The following APLF variants were observed in gnomAD, a reference collection of about 807,000 sequenced individuals.
APLF encodes the protein aprataxin and PNK-like factor.
A neutral mutation model predicts 55.6 loss-of-function variants in APLF; 61 were observed. That is an observed-to-expected ratio of 1.10 (90% CI 0.89 to 1.36). The LOEUF is 1.36. Among genes scored for constraint, APLF ranks in the 40% most tolerant of loss-of-function variants. The pLI is 0.00. For missense variants in APLF, 611 were observed against 602.5 expected, an observed-to-expected ratio of 1.01 and a Z score of -0.15; for synonymous variants, 207 against 214.8, an observed-to-expected ratio of 0.96 and a Z score of 0.32.
intron 6 of APLF, among the ~76,000 whole-genome samples, chr2:68,533,743 T>G (rs924870906): frequency 2.6e-5 from 4 of 152,190 alleles, no homozygotes; most frequent in African/African-American, 9.6e-5. Context: ...CATCTTCACC[T>G]GACATCTGGG....
intron 8 of APLF, among the ~76,000 whole-genome samples, chr2:68,566,134 G>A (rs1671305403): frequency 6.6e-6 from 1 of 152,018 alleles, no homozygotes; most frequent in Non-Finnish European, 1.5e-5. Flanking sequence ...AAAGTTGAAT[G>A]GGAGGATTTA....
intron 8 of APLF, among the ~76,000 whole-genome samples, chr2:68,557,943 C>T (rs920558115): frequency 2.0e-5 from 3 of 151,644 alleles, no homozygotes; most frequent in African/African-American, 7.3e-5. Context: ...GTTGATAGCA[C>T]CTTAATCCAT....
chr2:68,492,338 C>T lies in APLF; in HGVS notation c.168+2077C>T, dbSNP rs191018504. 2.6e-3 allele frequency among the ~76,000 whole-genome samples: 400 copies of T among 152,094 alleles called. 1 individual carries two copies. The highest frequency in any genetic ancestry group is 8.7e-3 in the Admixed American group (133 of 15,292). ...CTAAAAATACAAAAAATTAGCCGGG[C>T]ACGGTGGTGGGCGCCTGTAGTCCCA... On this transcript the variant is annotated intron_variant, in intron 2 of 9. Coordinates refer to ENST00000303795, the MANE Select transcript of APLF (RefSeq NM_173545.3).
At chr2:68,511,869 C>T (rs72901908) in intron 3 of APLF, among the ~76,000 whole-genome samples, 18,094 of 151,518 alleles carry the variant, frequency 0.12, 3,232 homozygotes, top group African/African-American at 0.39. Context: ...GTAATTTACT[C>T]TAAGTAAATT....
chr2:68,487,248 C>T (rs1676212934), intron 1 of APLF, among the ~76,000 whole-genome samples: 1 of 152,072 alleles, frequency 6.6e-6, no homozygotes, highest in African/African-American at 2.4e-5. Context: ...GCCTTATTTC[C>T]AGTTCTTTAC....
intron 8 of APLF, among the ~76,000 whole-genome samples, chr2:68,549,839 T>C (rs1573251073): frequency 6.6e-6 from 1 of 152,276 alleles, no homozygotes; most frequent in Non-Finnish European, 1.5e-5. Flanking sequence ...TTGTCCTCAG[T>C]GAAAAAGCCA....
intron 9 of APLF, among the ~76,000 whole-genome samples, chr2:68,576,440 A>C (rs924882855): frequency 2.6e-5 from 4 of 152,174 alleles, no homozygotes; most frequent in Non-Finnish European, 4.4e-5. Context: ...GCTTCCTACT[A>C]TAATGATAAT....
At chr2:68,575,205 G>C (rs1671589020) in intron 9 of APLF, among the ~76,000 whole-genome samples, 1 of 152,180 alleles carries the variant, frequency 6.6e-6, no homozygotes, top group Admixed American at 6.6e-5. Context: ...GCCAAAGCTT[G>C]GAGGAGGGAG....
chr2:68,549,617 C>G (rs1670801260), intron 8 of APLF, among the ~76,000 whole-genome samples: 2 of 152,088 alleles, frequency 1.3e-5, no homozygotes, highest in South Asian at 2.1e-4. Context: ...TGTGTATTCT[C>G]TAGTTGCTGG....
intron 2 of APLF, among the ~76,000 whole-genome samples, chr2:68,497,564 C>T (rs945940407): frequency 2.6e-5 from 4 of 151,900 alleles, no homozygotes; most frequent in Non-Finnish European, 5.9e-5. Flanking sequence ...GGCTACAGAA[C>T]TGTGGGTCAA....
intron 6 of APLF, among the ~76,000 whole-genome samples, chr2:68,531,065 G>T (rs542492609): frequency 6.6e-6 from 1 of 152,184 alleles, no homozygotes; most frequent in Non-Finnish European, 1.5e-5. Context: ...AGAGCCTATT[G>T]TAGGATCACT....
intron 8 of APLF, among the ~76,000 whole-genome samples, chr2:68,554,971 T>C (rs1214281735): frequency 6.6e-6 from 1 of 151,968 alleles, no homozygotes. Context: ...CATAGACCAA[T>C]GGAACAGAAT....
Position 68,538,353 on chromosome 2 carries a change from G to C in APLF, c.1160+126G>C, listed in dbSNP as rs925734730. 23 of 771,746 alleles carry C rather than the reference G, an allele frequency of 3.0e-5. No individual in the cohort carries two copies. In the African/African-American group the frequency reaches 3.4e-4, roughly 11 times the overall value. 47.8% of individuals were successfully genotyped at this position (771,746 alleles called of 1,614,324 possible). ...GCCTAAAGGTTAGGGGCTTTATCGT[G>C]TTTCTACTATTTGTACTTCCTCAGT... is the stretch of plus-strand genomic sequence containing the variant. On this transcript the variant is annotated intron_variant, in intron 7 of 9. Transcript: ENST00000303795.
chr2:68,548,254 C>T (rs1274061949), intron 8 of APLF, among the ~76,000 whole-genome samples: 2 of 151,762 alleles, frequency 1.3e-5, no homozygotes, highest in Non-Finnish European at 3.0e-5. Flanking sequence ...TATTTGACTA[C>T]ATTAAAAGTA....
At chr2:68,563,233 C>T (rs1330454683) in intron 8 of APLF, 2 of 985,102 alleles carry the variant, frequency 2.0e-6, no homozygotes, top group East Asian at 1.1e-4. Flanking sequence ...ACAACTTTCC[C>T]CTTCTAAGGC....
At chr2:68,472,187 A>C (rs918711231) in intron 1 of APLF, among the ~76,000 whole-genome samples, 2 of 152,192 alleles carry the variant, frequency 1.3e-5, no homozygotes, top group Non-Finnish European at 2.9e-5. Context: ...GCAGGTTGTA[A>C]AATGTTTCTT....
chr2:68,577,029 A>G (rs1007965716), intron 9 of APLF, among the ~76,000 whole-genome samples: 1 of 152,182 alleles, frequency 6.6e-6, no homozygotes. Flanking sequence ...GAAGAATTCT[A>G]GTATTATAAT....
chr2:68,469,307 C>T (rs1485233581), intron 1 of APLF, among the ~76,000 whole-genome samples: 1 of 152,042 alleles, frequency 6.6e-6, no homozygotes. Flanking sequence ...GAAATTGTCA[C>T]CAGTAGAGTA....
intron 5 of APLF, among the ~76,000 whole-genome samples, chr2:68,517,202 AATAT>A (rs561243323): frequency 1.6e-5 from 2 of 124,552 alleles, no homozygotes; most frequent in Non-Finnish European, 3.1e-5. Context: ...ATAATATATT[AATAT>A]ATGTTATTGA....
Sources: allele counts gnomAD v4.1 joint callset (sites outside exome capture counted in the v4.1 genomes callset), GRCh38; gene constraint gnomAD v4.1.1; transcripts MANE v1.5; gene names NCBI Gene and HGNC (gene_info 2026-07-23, HGNC 2026-07-21).